MBD2: variants seen among roughly 807,000 people sequenced by gnomAD.
MBD2 encodes methyl-CpG-binding domain protein 2.
A neutral mutation model predicts 39.3 loss-of-function variants in MBD2; 9 were observed. That is an observed-to-expected ratio of 0.23 (90% CI 0.14 to 0.40). MBD2 has a LOEUF of 0.40. Among genes scored for constraint, MBD2 ranks in the 10% least tolerant of loss-of-function variants. The pLI, the probability that MBD2 is intolerant of heterozygous loss-of-function variation, is 1.00. For missense variants in MBD2, 458 were observed against 532.6 expected, an observed-to-expected ratio of 0.86 and a Z score of 1.38; for synonymous variants, 233 against 211.1, an observed-to-expected ratio of 1.10 and a Z score of -0.90.
At chr18:54,170,397 G>A (rs2086171659) in intron 3 of MBD2, among the ~76,000 whole-genome samples, 1 of 152,208 alleles carries the variant, frequency 6.6e-6, no homozygotes, top group Non-Finnish European at 1.5e-5. Context: ...TAAAGAGGAT[G>A]AGAAAGAAAC....
Position 54,159,800 on chromosome 18 carries a change from T to C in MBD2, c.1213A>G (p.Met405Val), listed in dbSNP as rs528143714. 1.2e-6 allele frequency: 2 copies of C among 1,611,690 alleles called. No homozygotes were observed. The highest frequency in any genetic ancestry group is 2.2e-5 in the South Asian group (2 of 91,078). ...TCTTAGGCTTCATCTCCACTGTCCA[T>C]TTCAATATCCATCTCTTCTGTATCA... ...AADTEEMDIE[M>V]DSGDEA The change falls in exon 6 of 7, where the codon ATG (methionine) becomes GTG (valine). Residue 405 changes from methionine (M) to valine (V), a missense_variant. Met to Val is a conservative substitution (Grantham distance 21). Coordinates refer to ENST00000256429, the MANE Select transcript of MBD2 (RefSeq NM_003927.5).
chr18:54,174,749 C>T (rs1450502215), intron 3 of MBD2, among the ~76,000 whole-genome samples: 1 of 152,126 alleles, frequency 6.6e-6, no homozygotes. Flanking sequence ...ATGTAGAGTT[C>T]CAAATAAATG....
chr18:54,177,827 CTT>C (rs34113185), intron 3 of MBD2, among the ~76,000 whole-genome samples: 50 of 87,168 alleles, frequency 5.7e-4, no homozygotes, highest in African/African-American at 1.7e-3. Context: ...TTTTTCCTCT[CTT>C]TTTTTTTTTT....
chr18:54,203,269 A>C (rs2086423394), intron 2 of MBD2: 1 of 854,564 alleles, frequency 1.2e-6, no homozygotes, highest in East Asian at 2.7e-5. Flanking sequence ...TAAATACTGA[A>C]GCCCCTTTTA....
At chr18:54,159,053 C>T (rs1310335365) in intron 6 of MBD2, among the ~76,000 whole-genome samples, 3 of 152,118 alleles carry the variant, frequency 2.0e-5, no homozygotes. Flanking sequence ...TGCTTTGCCA[C>T]CATAATTTTA....
At chr18:54,187,852 A>T in intron 3 of MBD2, 1 of 985,794 alleles carries the variant, frequency 1.0e-6, no homozygotes, top group South Asian at 4.7e-5. Flanking sequence ...AGAGGAAAAA[A>T]CACTACAGAG....
chr18:54,216,277 A>G (rs2086560814), intron 1 of MBD2, among the ~76,000 whole-genome samples: 1 of 152,212 alleles, frequency 6.6e-6, no homozygotes. Flanking sequence ...GCTATTCAAT[A>G]TTTGTATACC....
chr18:54,201,447 T>C (rs1166525476), intron 2 of MBD2, among the ~76,000 whole-genome samples: 1 of 152,112 alleles, frequency 6.6e-6, no homozygotes, highest in Non-Finnish European at 1.5e-5. Flanking sequence ...AAGGTTAAGA[T>C]TGAGTTTGAG....
chr18:54,169,758 G>C (rs555853845), intron 3 of MBD2, among the ~76,000 whole-genome samples: 2 of 152,232 alleles, frequency 1.3e-5, no homozygotes, highest in South Asian at 4.1e-4. Flanking sequence ...TTGCTGCCTG[G>C]TGTGAGGCCA....
chr18:54,208,965 G>A (rs540598106), intron 1 of MBD2, among the ~76,000 whole-genome samples: 3 of 152,110 alleles, frequency 2.0e-5, no homozygotes, highest in East Asian at 1.9e-4. Context: ...AGTTTAACAC[G>A]GCTTCATATT....
chr18:54,211,942 GTCTCCTGCCTTCAAGCGAT>G (rs1383749147), intron 1 of MBD2, among the ~76,000 whole-genome samples: 4 of 151,124 alleles, frequency 2.6e-5, no homozygotes, highest in Non-Finnish European at 5.9e-5. Context: ...TGCAACCTCC[GTCTCCTGCCTTCAAGCGAT>G]TCTCCTGCCT....
intron 2 of MBD2, among the ~76,000 whole-genome samples, chr18:54,199,405 A>G (rs1020988215): frequency 1.3e-5 from 2 of 152,170 alleles, no homozygotes; most frequent in African/African-American, 4.8e-5. Flanking sequence ...TACTCTCCAC[A>G]AGATTCATTT....
intron 1 of MBD2, among the ~76,000 whole-genome samples, chr18:54,213,085 C>CGGG (rs778109166): frequency 0.013 from 952 of 72,300 alleles, 21 homozygotes; most frequent in African/African-American, 0.051. Context: ...ATTATGGGGG[C>CGGG]GGGGGGGGGG....
intron 3 of MBD2, 29 bp from the exon 4 acceptor site, chr18:54,166,195 A>G: frequency 7.1e-7 from 1 of 1,399,744 alleles, no homozygotes; most frequent in Non-Finnish European, 1.0e-6. Context: ...CTGTTAATAG[A>G]TACATTTTTG....
Position 54,152,483 on chromosome 18 carries a change from C to T in MBD2, c.*2841G>A, listed in dbSNP as rs1010322041. The T allele has an allele frequency of 2.6e-5, 4 of 152,110 alleles. No individual in the cohort carries two copies. Among genetic ancestry groups the T allele is most frequent in the Admixed American group, 1.3e-4 (2 of 15,274 alleles). The allele number at this position is 152,110 out of a possible 1,614,324, so 9.4% of individuals were successfully genotyped here. A position where few individuals can be genotyped will look rare whatever the true frequency, so the allele number is the denominator to read the frequency against. ...TGCTTACTAGGTGCCAGTCACTCAG[C>T]TAAGTGCTGGGGCTGTAACGGGAAA... On this transcript the variant is annotated 3_prime_UTR_variant, in exon 7 of 7. Transcript: ENST00000256429.
intron 2 of MBD2, among the ~76,000 whole-genome samples, chr18:54,190,958 G>A (rs1240740888): frequency 6.6e-6 from 1 of 152,158 alleles, no homozygotes; most frequent in African/African-American, 2.4e-5. Flanking sequence ...AAACAAGAAA[G>A]AAAAGGGAGA....
At chr18:54,184,509 G>A (rs540711171) in intron 3 of MBD2, among the ~76,000 whole-genome samples, 6 of 152,144 alleles carry the variant, frequency 3.9e-5, no homozygotes, top group African/African-American at 1.2e-4. Flanking sequence ...GCTATAGAAG[G>A]TAAGCTGAAA....
intron 1 of MBD2, among the ~76,000 whole-genome samples, chr18:54,222,943 T>G (rs1485012499): frequency 1.3e-5 from 2 of 152,256 alleles, no homozygotes; most frequent in African/African-American, 4.8e-5. Context: ...CCAGAGCTAC[T>G]TGAAGAGGAC....
intron 2 of MBD2, among the ~76,000 whole-genome samples, chr18:54,190,160 A>T (rs2086310865): frequency 6.6e-6 from 1 of 152,204 alleles, no homozygotes; most frequent in Non-Finnish European, 1.5e-5. Context: ...CTCAATTTAG[A>T]AAAATGTGAT....
Sources: gnomAD v4.1 joint callset for allele counts (sites outside exome capture counted in the v4.1 genomes callset) on GRCh38, gnomAD v4.1.1 for gene constraint, MANE v1.5 for transcripts, NCBI Gene and HGNC (gene_info 2026-07-23, HGNC 2026-07-21) for gene names.